The following DPP6 variants were observed in gnomAD, a reference collection of about 807,000 sequenced individuals.
The protein encoded by DPP6 is A-type potassium channel modulatory protein DPP6.
Under a neutral mutation model 122.6 loss-of-function variants are expected in DPP6, and 69 were observed. The ratio of observed to expected loss-of-function variants is 0.56; its 90% CI spans 0.46 to 0.69. DPP6 has a LOEUF of 0.69. Among genes scored for constraint, DPP6 ranks in the 30% least tolerant of loss-of-function variants. The probability of loss-of-function intolerance (pLI) is 0.00; values close to 1 mark genes in which losing one functional copy is unlikely to be tolerated. For missense variants in DPP6, 928 were observed against 1,116.9 expected (o/e 0.83, Z 2.41); for synonymous variants, 418 against 433.1 (o/e 0.97, Z 0.43).
intron 1 of DPP6, among the ~76,000 whole-genome samples, chr7:154,432,557 G>A (rs1818514055): frequency 6.6e-6 from 1 of 152,134 alleles, no homozygotes; most frequent in South Asian, 2.1e-4. Context: ...TCTCCATCGG[G>A]ACCGAAACTG....
chr7:154,081,867 G>A (rs2150530046), intron 1 of DPP6, among the ~76,000 whole-genome samples: 1 of 152,250 alleles, frequency 6.6e-6, no homozygotes, highest in South Asian at 2.1e-4. Flanking sequence ...TATGGATCCT[G>A]TGGCAACTGA....
At chr7:153,800,587 G>A in the DPP6 span, among the ~76,000 whole-genome samples, 1 of 152,074 alleles carries the variant, frequency 6.6e-6, no homozygotes, top group African/African-American at 2.4e-5. Flanking sequence ...CACCATCTCG[G>A]CTCACTGCAA....
intron 1 of DPP6, among the ~76,000 whole-genome samples, chr7:154,108,604 C>G (rs1806336452): frequency 1.3e-5 from 2 of 152,168 alleles, no homozygotes; most frequent in African/African-American, 4.8e-5. Flanking sequence ...CTTAATCAAG[C>G]TCTTAGGTCT....
chr7:153,913,503 T>C (rs1800176152), intron 1 of DPP6, among the ~76,000 whole-genome samples: 1 of 152,208 alleles, frequency 6.6e-6, no homozygotes, highest in Non-Finnish European at 1.5e-5. Flanking sequence ...AAAAATATGA[T>C]GACTGACCTT....
intron 8 of DPP6, among the ~76,000 whole-genome samples, chr7:154,742,872 T>TA (rs1353271911): frequency 1.3e-5 from 2 of 151,798 alleles, no homozygotes; most frequent in Non-Finnish European, 3.0e-5. Flanking sequence ...CTCTGGGACT[T>TA]ACGGGCAAAG....
intron 2 of DPP6, among the ~76,000 whole-genome samples, chr7:154,467,437 G>C (rs910061658): frequency 3.3e-5 from 5 of 152,136 alleles, no homozygotes; most frequent in Non-Finnish European, 7.4e-5. Flanking sequence ...CACAAGATCT[G>C]GTTGTTTAAA....
chr7:154,582,672 C>G (rs184474419), intron 5 of DPP6, among the ~76,000 whole-genome samples: 3 of 152,192 alleles, frequency 2.0e-5, no homozygotes, highest in African/African-American at 7.2e-5. Flanking sequence ...TCTCTCCCAC[C>G]GCAAAATAAA....
intron 1 of DPP6, among the ~76,000 whole-genome samples, chr7:153,900,131 A>G (rs1417783770): frequency 6.6e-6 from 1 of 152,136 alleles, no homozygotes; most frequent in Non-Finnish European, 1.5e-5. Context: ...ATCTGCATTA[A>G]AATTTAGTTC....
chr7:154,026,737 C>G (rs1363716318), intron 1 of DPP6: 1 of 151,612 alleles, frequency 6.6e-6, no homozygotes, highest in Non-Finnish European at 1.5e-5. Context: ...TTTCTCAGTC[C>G]CCCATCAAGG....
intron 7 of DPP6, among the ~76,000 whole-genome samples, chr7:154,703,692 C>T (rs55990446): frequency 0.019 from 2,942 of 151,636 alleles, 47 homozygotes; most frequent in Middle Eastern, 0.035. Context: ...ACTTGCAGCA[C>T]TTTAGAAGGC....
At chr7:154,881,135 T>C in intron 21 of DPP6, 193 bp downstream of exon 21, 1 of 957,884 alleles carries the variant, frequency 1.0e-6, no homozygotes, top group Non-Finnish European at 1.4e-6. Context: ...TTTTCCTAAG[T>C]TTCTTTTTAC....
chr7:154,482,479 A>G (rs1180596128), intron 3 of DPP6, among the ~76,000 whole-genome samples: 1 of 152,224 alleles, frequency 6.6e-6, no homozygotes, highest in Non-Finnish European at 1.5e-5. Flanking sequence ...ATTAGAAATC[A>G]GAGATTAACA....
the DPP6 span, among the ~76,000 whole-genome samples, chr7:153,776,369 G>C: frequency 6.6e-5 from 10 of 152,104 alleles, no homozygotes; most frequent in African/African-American, 1.9e-4. Flanking sequence ...TCCTCCTGAG[G>C]CGTGATGGTT....
chr7:153,874,558 T>G, the DPP6 span, among the ~76,000 whole-genome samples: 1 of 152,072 alleles, frequency 6.6e-6, no homozygotes, highest in Non-Finnish European at 1.5e-5. Flanking sequence ...GTATTTTTAG[T>G]AAAGACAGCA....
intron 7 of DPP6, among the ~76,000 whole-genome samples, chr7:154,679,692 G>C (rs571841662): frequency 1.3e-5 from 2 of 152,318 alleles, no homozygotes; most frequent in African/African-American, 4.8e-5. Flanking sequence ...AGACTAAAGT[G>C]ACATCCCATT....
intron 1 of DPP6, among the ~76,000 whole-genome samples, chr7:154,217,455 G>A (rs2150821514): frequency 6.6e-6 from 1 of 152,236 alleles, no homozygotes; most frequent in Middle Eastern, 3.4e-3. Flanking sequence ...ATGTCTCTGG[G>A]ATGTTAGTGT....
intron 19 of DPP6, among the ~76,000 whole-genome samples, chr7:154,874,743 T>A (rs1804706410): frequency 6.6e-6 from 1 of 152,154 alleles, no homozygotes; most frequent in African/African-American, 2.4e-5. Flanking sequence ...TCCCTGCTGT[T>A]CCAGGGAGGC....
intron 10 of DPP6, among the ~76,000 whole-genome samples, 155 bp downstream of exon 10, chr7:154,773,097 T>G (rs1017178209): frequency 1.3e-5 from 2 of 152,222 alleles, no homozygotes; most frequent in African/African-American, 4.8e-5. Flanking sequence ...GCTTTATGAT[T>G]CCATTTTCTA....
At chr7:153,763,146 GTC>G in the DPP6 span, among the ~76,000 whole-genome samples, 1 of 152,132 alleles carries the variant, frequency 6.6e-6, no homozygotes, top group Non-Finnish European at 1.5e-5. Context: ...TCCTGATGCA[GTC>G]ATGTGAAATT....
Sources: gnomAD v4.1 joint callset for allele counts (sites outside exome capture counted in the v4.1 genomes callset) on GRCh38, gnomAD v4.1.1 for gene constraint, MANE v1.5 for transcripts, NCBI Gene and HGNC (gene_info 2026-07-23, HGNC 2026-07-21) for gene names.